CRPPA: variants seen among roughly 807,000 people sequenced by gnomAD.
The protein encoded by CRPPA is CDP-L-ribitol pyrophosphorylase A, also known as D-ribitol-5-phosphate cytidylyltransferase.
CRPPA carries 43 observed loss-of-function variants against 52.0 expected under a neutral mutation model. The observed-to-expected ratio is 0.83, with a 90% CI of 0.65 to 1.07. The LOEUF (loss-of-function observed/expected upper bound fraction) is 1.07. CRPPA is among the 50% of genes least tolerant of loss of function. CRPPA has a pLI of 0.00. For synonymous variants in CRPPA, 250 were observed against 203.5 expected, an observed-to-expected ratio of 1.23 and a Z score of -1.94; for missense variants, 629 against 551.7, an observed-to-expected ratio of 1.14 and a Z score of -1.40.
intron 9 of CRPPA, among the ~76,000 whole-genome samples, chr7:16,116,973 T>C (rs1203562863): frequency 6.6e-6 from 1 of 152,190 alleles, no homozygotes; most frequent in Non-Finnish European, 1.5e-5. Flanking sequence ...TTTTCCTGTT[T>C]GTTGTAAAGA....
At chr7:16,360,654 G>A (rs556850679) in intron 3 of CRPPA, among the ~76,000 whole-genome samples, 3 of 152,198 alleles carry the variant, frequency 2.0e-5, no homozygotes, top group Non-Finnish European at 4.4e-5. Context: ...AAATGGTGCC[G>A]GGAAAACTGA....
chr7:16,155,427 G>A (rs546717847), intron 9 of CRPPA, among the ~76,000 whole-genome samples: 16 of 152,236 alleles, frequency 1.1e-4, no homozygotes, highest in African/African-American at 3.9e-4. Flanking sequence ...ACCCAAGGAT[G>A]TTTTTTCAAT....
At chr7:16,107,354 T>G (rs1782177441) in intron 9 of CRPPA, among the ~76,000 whole-genome samples, 1 of 152,004 alleles carries the variant, frequency 6.6e-6, no homozygotes, top group Non-Finnish European at 1.5e-5. Context: ...ATAAATAAAA[T>G]TCTGAGAGCA....
chr7:16,151,436 C>T (rs1368559504), intron 9 of CRPPA, among the ~76,000 whole-genome samples: 1 of 151,972 alleles, frequency 6.6e-6, no homozygotes, highest in African/African-American at 2.4e-5. Flanking sequence ...CAATAGTAAA[C>T]AAAGGCACTC....
chr7:16,307,790 C>A (rs1583507384), intron 4 of CRPPA, among the ~76,000 whole-genome samples: 1 of 151,838 alleles, frequency 6.6e-6, no homozygotes, highest in African/African-American at 2.4e-5. Context: ...CCAGCTACCA[C>A]CCCCACTGGG....
At chr7:16,207,219 G>A (rs903234800) in intron 9 of CRPPA, among the ~76,000 whole-genome samples, 1 of 152,126 alleles carries the variant, frequency 6.6e-6, no homozygotes, top group Admixed American at 6.5e-5. Context: ...CCTGGAAAAT[G>A]GTTCTTGGAC....
chr7:16,228,403 T>A (rs1782706134), intron 8 of CRPPA, among the ~76,000 whole-genome samples: 1 of 151,948 alleles, frequency 6.6e-6, no homozygotes, highest in Admixed American at 6.6e-5. Flanking sequence ...GTAGGTGAAA[T>A]GAAATATTTC....
chr7:16,360,430 A>G (rs1460815570), intron 3 of CRPPA, among the ~76,000 whole-genome samples: 2 of 152,202 alleles, frequency 1.3e-5, no homozygotes, highest in East Asian at 1.9e-4. Flanking sequence ...GAAAAAGTAC[A>G]AAGTTGGAGG....
At chr7:16,356,126 T>A (rs886226704) in intron 3 of CRPPA, among the ~76,000 whole-genome samples, 5 of 152,110 alleles carry the variant, frequency 3.3e-5, no homozygotes, top group Admixed American at 6.5e-5. Context: ...AAAAAATGTA[T>A]GTTTATAAAC....
intron 9 of CRPPA, among the ~76,000 whole-genome samples, chr7:16,213,287 T>A (rs914447736): frequency 2.0e-5 from 3 of 152,200 alleles, no homozygotes; most frequent in Non-Finnish European, 4.4e-5. Context: ...TGCTTAATAA[T>A]GAAAAGTGAA....
At chr7:16,091,825 T>A (rs910223980) in intron 9 of CRPPA, 26 bp from the exon 10 acceptor site, 2 of 1,328,152 alleles carry the variant, frequency 1.5e-6, no homozygotes, top group Non-Finnish European at 2.0e-6. Flanking sequence ...AAACCAGTAA[T>A]ATTTTAGAAA....
chr7:16,202,628 T>A (rs1015596776), intron 9 of CRPPA, among the ~76,000 whole-genome samples: 1 of 152,132 alleles, frequency 6.6e-6, no homozygotes, highest in Non-Finnish European at 1.5e-5. Flanking sequence ...TAAATTGTTA[T>A]AGAGAAAAAG....
At position 16,132,340 on chromosome 7, in the gene CRPPA, T is replaced by A. The variant is rs575078367; in HGVS notation, c.1252-40541A>T. ...TCACAGGTTCCCAGCTAGAGAACAA[T>A]TTGCCTCAGGAGACCTTGACTACAG... On this transcript the variant is annotated intron_variant, in intron 9 of 9. Transcript: ENST00000407010. Among the ~76,000 whole-genome samples, 55 of 125,088 alleles carry A rather than the reference T, an allele frequency of 4.4e-4. 5 individuals carry two copies. Among genetic ancestry groups the A allele is most frequent in the African/African-American group, 1.3e-3 (52 of 38,662 alleles). 82.1% of individuals were successfully genotyped at this position (125,088 alleles called of 152,430 possible).
chr7:16,137,691 G>A (rs1343835086), intron 9 of CRPPA, among the ~76,000 whole-genome samples: 2 of 152,030 alleles, frequency 1.3e-5, no homozygotes, highest in Admixed American at 6.6e-5. Flanking sequence ...CTTTCAATTA[G>A]ACTGATCCTA....
chr7:16,162,543 T>C (rs561851029), intron 9 of CRPPA, among the ~76,000 whole-genome samples: 144 of 152,250 alleles, frequency 9.5e-4, no homozygotes, highest in African/African-American at 3.3e-3. Context: ...TCTGAGAGAT[T>C]GTTTGTTATG....
intron 5 of CRPPA, among the ~76,000 whole-genome samples, chr7:16,284,968 CA>C (rs534676232): frequency 5.0e-4 from 76 of 152,150 alleles, no homozygotes; most frequent in African/African-American, 1.8e-3. Context: ...CGAGGATCCC[CA>C]AACTAAATGA....
chr7:16,135,521 A>G (rs1245995484), intron 9 of CRPPA, among the ~76,000 whole-genome samples: 1 of 152,168 alleles, frequency 6.6e-6, no homozygotes, highest in Non-Finnish European at 1.5e-5. Flanking sequence ...ACTTGTTATG[A>G]ACACTTAAAG....
At chr7:16,196,320 T>C (rs1781732384) in intron 9 of CRPPA, among the ~76,000 whole-genome samples, 1 of 152,116 alleles carries the variant, frequency 6.6e-6, no homozygotes, top group South Asian at 2.1e-4. Flanking sequence ...TTCATGTAGC[T>C]ATCCTAAAGT....
chr7:16,302,295 CAA>C (rs34666735), intron 4 of CRPPA, among the ~76,000 whole-genome samples: 7 of 53,374 alleles, frequency 1.3e-4, no homozygotes, highest in Admixed American at 5.8e-4. Context: ...GACTCTGTCT[CAA>C]AAAAAAAAAA....
Sources: gnomAD v4.1 joint callset for allele counts (sites outside exome capture counted in the v4.1 genomes callset) on GRCh38, gnomAD v4.1.1 for gene constraint, MANE v1.5 for transcripts, NCBI Gene and HGNC (gene_info 2026-07-23, HGNC 2026-07-21) for gene names.